Variants in ADK observed in about 807,000 individuals in gnomAD.
The protein encoded by ADK is N6,N6-dimethyladenosine kinase.
A neutral mutation model predicts 44.7 loss-of-function variants in ADK; 24 were observed. That is an observed-to-expected ratio of 0.54 (90% CI 0.39 to 0.76). The LOEUF is 0.76. Among genes scored for constraint, ADK ranks in the 30% least tolerant of loss-of-function variants. The probability of loss-of-function intolerance (pLI) is 0.00; values close to 1 mark genes in which losing one functional copy is unlikely to be tolerated. For missense variants in ADK, 321 were observed against 425.1 expected, an observed-to-expected ratio of 0.76 and a Z score of 2.15; for synonymous variants, 128 against 142.6, an observed-to-expected ratio of 0.90 and a Z score of 0.73.
chr10:74,556,778 G>A (rs1236315297), intron 7 of ADK, among the ~76,000 whole-genome samples: 1 of 152,158 alleles, frequency 6.6e-6, no homozygotes, highest in African/African-American at 2.4e-5. Flanking sequence ...CATTATTGTT[G>A]TGTAAGGTTT....
chr10:74,318,991 C>T (rs1840722745), intron 4 of ADK, among the ~76,000 whole-genome samples: 2 of 133,066 alleles, frequency 1.5e-5, no homozygotes, highest in Admixed American at 1.6e-4. Context: ...GTGAATTTTA[C>T]CTTTGACTGT....
intron 3 of ADK, among the ~76,000 whole-genome samples, chr10:74,292,552 A>C (rs1839658556): frequency 6.6e-6 from 1 of 152,146 alleles, no homozygotes; most frequent in Non-Finnish European, 1.5e-5. Flanking sequence ...AATGTGTCCC[A>C]ACACTGAACT....
intron 1 of ADK, among the ~76,000 whole-genome samples, chr10:74,199,673 AT>A (rs200923957): frequency 2.0e-5 from 3 of 151,158 alleles, no homozygotes; most frequent in Non-Finnish European, 4.4e-5. Context: ...AGAATGATTC[AT>A]TTTTTTTCAT....
At chr10:74,479,152 C>G (rs1245447588) in intron 6 of ADK, among the ~76,000 whole-genome samples, 1 of 152,210 alleles carries the variant, frequency 6.6e-6, no homozygotes, top group East Asian at 1.9e-4. Context: ...GCACGTACCA[C>G]CACACCTATC....
At chr10:74,163,912 GT>G (rs1019978180) in intron 1 of ADK, among the ~76,000 whole-genome samples, 10 of 152,134 alleles carry the variant, frequency 6.6e-5, no homozygotes, top group Admixed American at 4.6e-4. Flanking sequence ...TTTTAAAATA[GT>G]TTTTTCTCAG....
chr10:74,542,713 T>C (rs1344347239), intron 7 of ADK, among the ~76,000 whole-genome samples: 1 of 152,042 alleles, frequency 6.6e-6, no homozygotes, highest in Non-Finnish European at 1.5e-5. Flanking sequence ...TAAATTTCTT[T>C]TAGCACAAAT....
chr10:74,545,608 C>T (rs1294925443), intron 7 of ADK, among the ~76,000 whole-genome samples: 1 of 152,086 alleles, frequency 6.6e-6, no homozygotes, highest in East Asian at 1.9e-4. Context: ...AACTTCTTGT[C>T]CTTGAAGGGT....
intron 3 of ADK, among the ~76,000 whole-genome samples, chr10:74,229,074 T>G (rs539079978): frequency 6.6e-6 from 1 of 152,240 alleles, no homozygotes. Context: ...GATTTTTTAA[T>G]GTCAAAAATT....
chr10:74,558,219 G>A (rs1200883249), intron 7 of ADK, among the ~76,000 whole-genome samples: 1 of 152,162 alleles, frequency 6.6e-6, no homozygotes, highest in East Asian at 1.9e-4. Flanking sequence ...TTTATTAAAA[G>A]AAGTGTCTCA....
intron 9 of ADK, 86 bp from the exon 10 acceptor site, chr10:74,670,097 T>C: frequency 9.8e-7 from 1 of 1,021,778 alleles, no homozygotes; most frequent in South Asian, 1.3e-5. Flanking sequence ...TGATGAGTGA[T>C]GAAGGAGCTT....
chr10:74,404,433 A>G (rs1843835453), intron 6 of ADK, among the ~76,000 whole-genome samples: 2 of 152,118 alleles, frequency 1.3e-5, no homozygotes, highest in South Asian at 4.1e-4. Flanking sequence ...CCTAGAGGGC[A>G]TTCTTTAACA....
In ADK at chr10:74,612,288, T is replaced by C. The variant is rs147666251; in HGVS notation, c.877+11795T>C. ...CCCATTTTTAAAAATTGTATTGATT[T>C]ATTTGTATTTTATAGAGAAAGTGTC... On this transcript the variant is annotated intron_variant, in intron 9 of 10. Coordinates refer to ENST00000539909, the MANE Select transcript of ADK (RefSeq NM_006721.4). Among the ~76,000 whole-genome samples the C allele has an allele frequency of 1.0e-3, 153 of 152,214 alleles. 3 individuals carry two copies. In the East Asian group the frequency reaches 0.029, roughly 28 times the overall value.
chr10:74,264,275 A>C (rs181311745), intron 3 of ADK, among the ~76,000 whole-genome samples: 4 of 152,342 alleles, frequency 2.6e-5, no homozygotes, highest in Non-Finnish European at 5.9e-5. Flanking sequence ...GTATCTGAGC[A>C]TTCCCTTTCT....
At chr10:74,194,149 A>G (rs1198895517) in intron 1 of ADK, among the ~76,000 whole-genome samples, 2 of 152,080 alleles carry the variant, frequency 1.3e-5, no homozygotes, top group Non-Finnish European at 2.9e-5. Context: ...ATCAGGAAAA[A>G]CTTCCCAAGA....
At chr10:74,650,135 G>C (rs892230170) in intron 9 of ADK, among the ~76,000 whole-genome samples, 1 of 152,100 alleles carries the variant, frequency 6.6e-6, no homozygotes, top group African/African-American at 2.4e-5. Context: ...GAAAGTAATT[G>C]TTGGCCAGTC....
intron 7 of ADK, among the ~76,000 whole-genome samples, chr10:74,543,281 C>A (rs1444578028): frequency 2.0e-5 from 3 of 151,688 alleles, no homozygotes; most frequent in African/African-American, 7.3e-5. Context: ...TGGGCTCAAG[C>A]AATCCTCCTG....
chr10:74,501,162 AACTCAGAT>A (rs750144335), intron 6 of ADK, among the ~76,000 whole-genome samples: 3 of 152,230 alleles, frequency 2.0e-5, no homozygotes, highest in Non-Finnish European at 4.4e-5. Context: ...TGCCATTTTT[AACTCAGAT>A]TTAAAACAAC....
At chr10:74,387,514 G>A (rs1228007096) in intron 4 of ADK, among the ~76,000 whole-genome samples, 8 of 152,124 alleles carry the variant, frequency 5.3e-5, no homozygotes, top group Non-Finnish European at 1.5e-5. Flanking sequence ...TAGGAAAGGA[G>A]GCATGTGCTA....
intron 9 of ADK, among the ~76,000 whole-genome samples, chr10:74,627,387 G>A (rs915497019): frequency 4.6e-5 from 7 of 152,086 alleles, no homozygotes; most frequent in African/African-American, 1.7e-4. Context: ...GGAGGCTGAG[G>A]TGGGAGGATC....
Sources: gnomAD v4.1 joint callset for allele counts (sites outside exome capture counted in the v4.1 genomes callset) on GRCh38, gnomAD v4.1.1 for gene constraint, MANE v1.5 for transcripts, NCBI Gene and HGNC (gene_info 2026-07-23, HGNC 2026-07-21) for gene names.